ANKRD24: variants seen among roughly 807,000 people sequenced by gnomAD.
ANKRD24 encodes the protein ankyrin repeat domain 24.
In ANKRD24, 109 loss-of-function variants were observed where a neutral mutation model predicts 127.8. The observed-to-expected ratio is 0.85, with a 90% CI of 0.73 to 1.00. The LOEUF (loss-of-function observed/expected upper bound fraction) is 1.00, where lower values mean the gene tolerates loss of function less well. Among genes scored for constraint, ANKRD24 ranks in the 50% least tolerant of loss-of-function variants. The pLI is 0.00. For missense variants in ANKRD24, 1,648 were observed against 1,570.2 expected (o/e 1.05, Z -0.84); for synonymous variants, 743 against 671.1 (o/e 1.11, Z -1.66).
At position 4,199,575 on chromosome 19, in the gene ANKRD24, C is replaced by A. The variant is rs1968963862; in HGVS notation, c.37-108C>A. On this transcript the variant is annotated intron_variant, in intron 2 of 21. Coordinates refer to ENST00000318934, the MANE Select transcript of ANKRD24 (RefSeq NM_001393985.1). This position sits in a 1 kb window ranked among gnomAD's most constrained non-coding sequence, Gnocchi z 5.2. Reference sequence around the variant, plus strand: ...CTCAGGGGATGATGCTGGTGGTGGGCTTTTGTTGGACAACTGGGGTGATGG... The same window carrying A: ...CTCAGGGGATGATGCTGGTGGTGGGATTTTGTTGGACAACTGGGGTGATGG... 2.1e-6 allele frequency: 3 copies of A among 1,437,664 alleles called. No homozygotes were observed. The highest frequency in any genetic ancestry group is 1.8e-6 in the Non-Finnish European group (2 of 1,100,208). 89.1% of individuals were successfully genotyped at this position (1,437,664 alleles called of 1,614,324 possible). A position where few individuals can be genotyped will look rare whatever the true frequency, so the allele number is the denominator to read the frequency against.
At chr19:4,202,245 C>T (rs1245600221) in intron 6 of ANKRD24, among the ~76,000 whole-genome samples, 155 bp downstream of exon 6, 1 of 152,146 alleles carries the variant, frequency 6.6e-6, no homozygotes, top group Non-Finnish European at 1.5e-5. Flanking sequence ...CAGGTACTCT[C>T]AGACCATCCA....
At chr19:4,196,157 G>C (rs1409607151) in intron 2 of ANKRD24, among the ~76,000 whole-genome samples, 2 of 152,166 alleles carry the variant, frequency 1.3e-5, no homozygotes, top group East Asian at 3.9e-4. Flanking sequence ...TGCTTCCTTG[G>C]TGCCTGTCCT....
In ANKRD24 at chr19:4,218,010, G is replaced by C; in HGVS notation, c.2850G>C (p.Leu950=). The change falls in exon 18 of 22, where the codon CTG becomes CTC. Residue 950 remains leucine, a synonymous_variant. Transcript: ENST00000318934. ...VVATGKEAAR[L]RAELERERVC... is the part of the protein sequence containing the mutation. ...CCACGGGCAAGGAGGCCGCCCGGCTGCGCGCGGAGCTGGAGCGGGAGCGTG... is the reference window on the plus strand; with the variant it reads ...CCACGGGCAAGGAGGCCGCCCGGCTCCGCGCGGAGCTGGAGCGGGAGCGTG... The C allele has an allele frequency of 1.3e-6, 2 of 1,545,346 alleles. No individual in the cohort carries two copies.
chr19:4,202,078 G>A lies in ANKRD24; in HGVS notation c.396G>A (p.Lys132=), dbSNP rs772629216. The change falls in exon 6 of 22, where the codon AAG becomes AAA. Residue 132 remains lysine (K), a synonymous_variant. Coordinates refer to ENST00000318934, the MANE Select transcript of ANKRD24 (RefSeq NM_001393985.1). Reference sequence around the variant, plus strand: ...AATACGGGCACCCACAGTGCTTGAAGCAACTACTGCAGGTCATTTACTGTC... The same window carrying A: ...AATACGGGCACCCACAGTGCTTGAAACAACTACTGCAGGTCATTTACTGTC... ...AAKYGHPQCL[K]QLLQASCVVD... 2 of 1,613,796 alleles carry A rather than the reference G, an allele frequency of 1.2e-6. No homozygotes were observed. The highest frequency in any genetic ancestry group is 1.7e-6 in the Non-Finnish European group (2 of 1,179,792).
At chr19:4,216,226 C>G (rs1005343517) in intron 16 of ANKRD24, 58 bp from the exon 17 acceptor site, 1 of 1,499,166 alleles carries the variant, frequency 6.7e-7, no homozygotes, top group Non-Finnish European at 9.1e-7. Flanking sequence ...TCCAGCCCCC[C>G]ACCTCCTGTC....
intron 13 of ANKRD24, among the ~76,000 whole-genome samples, chr19:4,210,657 G>T (rs2145347490): frequency 6.6e-6 from 1 of 151,806 alleles, no homozygotes; most frequent in South Asian, 2.1e-4. Flanking sequence ...GCCCCAGATG[G>T]CCCCACAGCT....
At chr19:4,212,848 C>G in intron 15 of ANKRD24, 150 bp downstream of exon 15, 1 of 779,708 alleles carries the variant, frequency 1.3e-6, no homozygotes, top group African/African-American at 1.7e-5. Flanking sequence ...AACCCACAGT[C>G]TTGGCTGGGT....
At chr19:4,184,534 C>T (rs1397089480) in intron 1 of ANKRD24, among the ~76,000 whole-genome samples, 5 of 152,358 alleles carry the variant, frequency 3.3e-5, no homozygotes, top group East Asian at 1.9e-4. Flanking sequence ...ACATCCCACC[C>T]GGCCATCAGG....
In ANKRD24 at chr19:4,224,142, C is replaced by T; in HGVS notation, c.3313C>T (p.His1105Tyr). 6.2e-7 allele frequency: 1 copy of T among 1,612,930 alleles called. No individual in the cohort carries two copies. Among genetic ancestry groups the T allele is most frequent in the East Asian group, 2.2e-5 (1 of 44,874 alleles). ...QQQLQEAARD[H>Y]SSVVALYRSH... ...ATGCCCACAGGAAGCTGCCAGGGAC[C>T]ACTCCAGCGTGGTGGCTTTGTACAG... Residue 1105 changes from histidine to tyrosine, a missense_variant, in exon 21 of 22, where the codon CAC becomes TAC. His to Tyr is a moderately conservative substitution (Grantham distance 83). Transcript: ENST00000318934.
At chr19:4,221,086 CT>C (rs1004826496) in intron 19 of ANKRD24, among the ~76,000 whole-genome samples, 30 of 147,382 alleles carry the variant, frequency 2.0e-4, no homozygotes, top group Middle Eastern at 3.6e-3. Context: ...TTGTTTCTTT[CT>C]TTTTTTTTTG....
In ANKRD24 at chr19:4,195,059, T is replaced by TG. The variant is rs1968622638; in HGVS notation, c.37-4624_37-4623insG. ...CTCGGCGTGAGCCACCGCGCCCAGG[T>TG]TTTTGTTTGTTTGTTTGTTTGTTTG... is the stretch of plus-strand genomic sequence containing the variant. On this transcript the variant is annotated intron_variant, in intron 2 of 21. Transcript: ENST00000318934. The surrounding 1 kb of genome is among the most constrained non-coding windows in gnomAD (Gnocchi z 4.2). Among the ~76,000 whole-genome samples the TG allele has an allele frequency of 2.8e-5, 4 of 144,234 alleles. No individual in the cohort carries two copies. Among genetic ancestry groups the TG allele is most frequent in the South Asian group, 2.2e-4 (1 of 4,460 alleles). The allele number at this position is 144,234 out of a possible 152,430, so 94.6% of individuals were successfully genotyped here.
intron 2 of ANKRD24, among the ~76,000 whole-genome samples, chr19:4,196,061 G>A (rs1287869295): frequency 2.0e-5 from 3 of 152,152 alleles, no homozygotes; most frequent in Non-Finnish European, 2.9e-5. Context: ...GTGTGGAGTG[G>A]GTGGAGGCCA....
At chr19:4,222,448 A>G (rs1568348051) in intron 19 of ANKRD24, among the ~76,000 whole-genome samples, 2 of 152,340 alleles carry the variant, frequency 1.3e-5, no homozygotes, top group East Asian at 1.9e-4. Context: ...TGGGTTGTAT[A>G]AAAACAGGCT....
Position 4,224,639 on chromosome 19 carries a change from T to G in ANKRD24, c.*134T>G. On this transcript the variant is annotated 3_prime_UTR_variant, in exon 22 of 22. Transcript: ENST00000318934. ...CCCATGCACTTGGAGACCAGCCTGG[T>G]TCCCTGCCCGACCACCCCCAGCTGG... The G allele has an allele frequency of 1.2e-6, 1 of 838,122 alleles. No homozygotes were observed. The highest frequency in any genetic ancestry group is 1.9e-6 in the Non-Finnish European group (1 of 528,784). 51.9% of individuals were successfully genotyped at this position (838,122 alleles called of 1,614,324 possible).
At chr19:4,211,921 C>G (rs1466154990) in intron 13 of ANKRD24, among the ~76,000 whole-genome samples, 1 of 152,028 alleles carries the variant, frequency 6.6e-6, no homozygotes, top group African/African-American at 2.4e-5. Flanking sequence ...AGGAATGAGG[C>G]CGGGCGCGGT....
At position 4,202,007 on chromosome 19, in the gene ANKRD24, A is replaced by G. The variant is rs1568324128; in HGVS notation, c.344-19A>G. 6.2e-7 allele frequency: 1 copy of G among 1,613,096 alleles called. No individual in the cohort carries two copies. The highest frequency in any genetic ancestry group is 1.3e-5 in the African/African-American group (1 of 74,862). ...ACTTGAATAGCTGGAGCTCCAGTAA[A>G]TCTTCTTTCCTTCCCCAGGTTACAA... On this transcript the variant is annotated intron_variant, in intron 5 of 21. Coordinates refer to ENST00000318934, the MANE Select transcript of ANKRD24 (RefSeq NM_001393985.1).
rs1029847571 is a variant in ANKRD24, at chr19:4,198,602, C to T, written c.37-1081C>T. 1.4e-5 allele frequency: 6 copies of T among 432,024 alleles called. No individual in the cohort carries two copies. The East Asian group carries it at 2.1e-4, about 15-fold the overall frequency. 26.8% of individuals were successfully genotyped at this position (432,024 alleles called of 1,614,324 possible). A position where few individuals can be genotyped will look rare whatever the true frequency, so the allele number is the denominator to read the frequency against. On this transcript the variant is annotated intron_variant, in intron 2 of 21. Transcript: ENST00000318934. The surrounding 1 kb of genome is among the most constrained non-coding windows in gnomAD (Gnocchi z 6.1). ...CCTCCTCTCCCCTCCCTTCCCCGTCCCCGGCTGACCTGGACCACCCCCCCA... is the reference window on the plus strand; with the variant it reads ...CCTCCTCTCCCCTCCCTTCCCCGTCTCCGGCTGACCTGGACCACCCCCCCA...
Position 4,219,629 on chromosome 19 carries a change from C to A in ANKRD24, c.3042C>A (p.His1014Gln), listed in dbSNP as rs764148400. The A allele has an allele frequency of 6.2e-7, 1 of 1,613,388 alleles. No individual in the cohort carries two copies. The highest frequency in any genetic ancestry group is 1.7e-5 in the Admixed American group (1 of 59,976). Residue 1014 changes from histidine (H) to glutamine (Q), a missense_variant, in exon 19 of 22, where the codon CAC becomes CAA. Physicochemically the swap from His to Gln is conservative, Grantham distance 24. Transcript: ENST00000318934. ...CCCTGTTCATGAAGAGTGAGCGACA[C>A]GCAGCCGAGGCACAGCTGGCCACAG... is the stretch of plus-strand genomic sequence containing the variant. ...REALFMKSER[H>Q]AAEAQLATAE...
intron 10 of ANKRD24, 101 bp from the exon 11 acceptor site, chr19:4,208,663 T>A: frequency 8.5e-7 from 1 of 1,181,836 alleles, no homozygotes; most frequent in East Asian, 2.6e-5. Flanking sequence ...ACGCCCTGAT[T>A]CTTGGGGAAA....
Sources: gnomAD v4.1 joint callset for allele counts (sites outside exome capture counted in the v4.1 genomes callset) on GRCh38, gnomAD v4.1.1 for gene constraint, Gnocchi (gnomAD v3.1) non-coding constraint, MANE v1.5 for transcripts, NCBI Gene and HGNC (gene_info 2026-07-23, HGNC 2026-07-21) for gene names.